Variants in ZDHHC2 observed in about 807,000 individuals in gnomAD.
ZDHHC2 encodes zDHHC palmitoyltransferase 2, also known as palmitoyltransferase ZDHHC2.
Under a neutral mutation model 55.6 loss-of-function variants are expected in ZDHHC2, and 51 were observed. The observed-to-expected ratio is 0.92, with a 90% confidence interval of 0.73 to 1.16. The LOEUF is 1.16. Among genes scored for constraint, ZDHHC2 ranks in the 50% most tolerant of loss-of-function variants. The pLI is 0.00. For synonymous variants in ZDHHC2, 199 were observed against 152.9 expected (o/e 1.30, Z -2.22); for missense variants, 491 against 442.4 (o/e 1.11, Z -0.99).
Position 17,156,642 on chromosome 8 carries a change from A to T in ZDHHC2, c.-82A>T. The T allele has an allele frequency of 9.3e-7, 1 of 1,070,374 alleles. No homozygotes were observed. Among genetic ancestry groups the T allele is most frequent in the Non-Finnish European group, 1.1e-6 (1 of 878,970 alleles). 66.3% of individuals were successfully genotyped at this position (1,070,374 alleles called of 1,614,324 possible). A position where few individuals can be genotyped will look rare whatever the true frequency, so the allele number is the denominator to read the frequency against. ...CCGCCGCCCAGGAGCCCGTCCAGCC[A>T]GGGGTGCCGGGCCCGCCCAGCCCGC... On this transcript the variant is annotated 5_prime_UTR_variant, in exon 1 of 13. Transcript: ENST00000262096.
At chr8:17,164,891 G>A (rs1267126110) in intron 1 of ZDHHC2, among the ~76,000 whole-genome samples, 1 of 152,158 alleles carries the variant, frequency 6.6e-6, no homozygotes, top group Non-Finnish European at 1.5e-5. Flanking sequence ...TATGTGACAT[G>A]GAGTAAGGGT....
intron 4 of ZDHHC2, among the ~76,000 whole-genome samples, chr8:17,197,120 C>A (rs182504585): frequency 2.0e-5 from 3 of 152,130 alleles, no homozygotes; most frequent in Admixed American, 1.3e-4. Context: ...AAATTTAAGC[C>A]CCCTAGAAAT....
At position 17,170,071 on chromosome 8, in the gene ZDHHC2, T is replaced by G. The variant is rs115996764; in HGVS notation, c.130+13218T>G. Among the ~76,000 whole-genome samples, 516 of 152,302 alleles carry G rather than the reference T, an allele frequency of 3.4e-3. 4 individuals are homozygous for G. The highest frequency in any genetic ancestry group is 0.011 in the African/African-American group (458 of 41,564). On this transcript the variant is annotated intron_variant, in intron 1 of 12. Coordinates refer to ENST00000262096, the MANE Select transcript of ZDHHC2 (RefSeq NM_016353.5). ...TTTCAGCAATTGCTGTCAGAGAGAT[T>G]GGGCTAGTGCTGTAGGTGAATGCAG...
chr8:17,174,010 C>A (rs1337151374), intron 1 of ZDHHC2, among the ~76,000 whole-genome samples: 1 of 151,692 alleles, frequency 6.6e-6, no homozygotes, highest in Non-Finnish European at 1.5e-5. Flanking sequence ...AGTAGGTGGT[C>A]GCTGCAAGCA....
chr8:17,198,231 C>A, intron 5 of ZDHHC2, 150 bp from the exon 6 acceptor site: 1 of 614,184 alleles, frequency 1.6e-6, no homozygotes, highest in Non-Finnish European at 2.6e-6. Flanking sequence ...ATGAGAACTT[C>A]TGCTATTATC....
At chr8:17,182,517 C>G (rs1220153157) in intron 1 of ZDHHC2, among the ~76,000 whole-genome samples, 1 of 152,042 alleles carries the variant, frequency 6.6e-6, no homozygotes, top group African/African-American at 2.4e-5. Flanking sequence ...TTGAACTGAT[C>G]CCTTTCATTC....
chr8:17,178,961 T>C (rs969426760), intron 1 of ZDHHC2, among the ~76,000 whole-genome samples: 11 of 151,992 alleles, frequency 7.2e-5, no homozygotes, highest in Non-Finnish European at 1.2e-4. Flanking sequence ...TCTTTCTCTC[T>C]TTTTTTTGAG....
At chr8:17,175,855 G>A (rs1271617305) in intron 1 of ZDHHC2, among the ~76,000 whole-genome samples, 2 of 152,202 alleles carry the variant, frequency 1.3e-5, no homozygotes, top group Non-Finnish European at 2.9e-5. Flanking sequence ...GCACCCTGAA[G>A]GAAGAGAAAG....
chr8:17,203,872 A>G (rs1023133990), intron 6 of ZDHHC2, among the ~76,000 whole-genome samples: 2 of 149,082 alleles, frequency 1.3e-5, no homozygotes, highest in African/African-American at 2.5e-5. Flanking sequence ...CAGTGGCGCA[A>G]TCTCAGCTCA....
chr8:17,202,194 T>C (rs546485869), intron 6 of ZDHHC2, among the ~76,000 whole-genome samples: 15 of 152,338 alleles, frequency 9.8e-5, no homozygotes, highest in Non-Finnish European at 1.5e-4. Context: ...GTAATACTTT[T>C]AACAGCGACA....
chr8:17,185,645 G>C (rs754266396), intron 2 of ZDHHC2, among the ~76,000 whole-genome samples: 19 of 152,276 alleles, frequency 1.2e-4, no homozygotes, highest in South Asian at 4.1e-4. Flanking sequence ...GGGCGACAGA[G>C]TGAGACCCTG....
At chr8:17,165,891 G>A (rs1376523070) in intron 1 of ZDHHC2, among the ~76,000 whole-genome samples, 2 of 152,304 alleles carry the variant, frequency 1.3e-5, no homozygotes, top group South Asian at 4.1e-4. Flanking sequence ...TATATCTCCG[G>A]CCAGGGGAGT....
intron 3 of ZDHHC2, among the ~76,000 whole-genome samples, chr8:17,188,088 T>G (rs564244249): frequency 2.2e-4 from 33 of 152,258 alleles, no homozygotes; most frequent in Non-Finnish European, 4.6e-4. Flanking sequence ...AGTCTGTACT[T>G]GCATATTATA....
chr8:17,165,577 G>A (rs934458222), intron 1 of ZDHHC2, among the ~76,000 whole-genome samples: 38 of 152,096 alleles, frequency 2.5e-4, no homozygotes, highest in African/African-American at 8.0e-4. Flanking sequence ...CATTTTAACC[G>A]TCCATAATTC....
At chr8:17,212,493 A>C (rs1359796612) in intron 10 of ZDHHC2, among the ~76,000 whole-genome samples, 3 of 152,070 alleles carry the variant, frequency 2.0e-5, no homozygotes, top group Admixed American at 6.6e-5. Flanking sequence ...CTTTGTATTT[A>C]CTCCATTTGC....
chr8:17,175,588 TAATG>T (rs1805088962), intron 1 of ZDHHC2, among the ~76,000 whole-genome samples: 1 of 152,246 alleles, frequency 6.6e-6, no homozygotes, highest in African/African-American at 2.4e-5. Flanking sequence ...CAGACCTTAA[TAATG>T]CGCCAAATTC....
At chr8:17,181,923 G>A (rs1489768502) in intron 1 of ZDHHC2, among the ~76,000 whole-genome samples, 1 of 152,086 alleles carries the variant, frequency 6.6e-6, no homozygotes, top group Non-Finnish European at 1.5e-5. Context: ...ATTTGCATTT[G>A]ACAATAACTT....
At chr8:17,172,788 T>G (rs2150890778) in intron 1 of ZDHHC2, among the ~76,000 whole-genome samples, 1 of 152,242 alleles carries the variant, frequency 6.6e-6, no homozygotes, top group African/African-American at 2.4e-5. Context: ...TCCTCCTTTC[T>G]TCTGCTTTGG....
Position 17,201,094 on chromosome 8 carries a change from A to G in ZDHHC2, c.476+2681A>G, listed in dbSNP as rs559830014. Among the ~76,000 whole-genome samples, 214 of 152,312 alleles carry G rather than the reference A, an allele frequency of 1.4e-3. 1 individual carries two copies. Among genetic ancestry groups the G allele is most frequent in the African/African-American group, 4.7e-3 (195 of 41,572 alleles). On this transcript the variant is annotated intron_variant, in intron 6 of 12. Transcript: ENST00000262096. Reference sequence around the variant, plus strand: ...ATTAAAGTTTTAAATAAAAAAGTCTATAGGTAATAACATGCTTTTGGTTCC... The same window carrying G: ...ATTAAAGTTTTAAATAAAAAAGTCTGTAGGTAATAACATGCTTTTGGTTCC...
Sources: allele counts gnomAD v4.1 joint callset (sites outside exome capture counted in the v4.1 genomes callset), GRCh38; gene constraint gnomAD v4.1.1; transcripts MANE v1.5; gene names NCBI Gene and HGNC (gene_info 2026-07-23, HGNC 2026-07-21).